Variants in THRB observed in about 807,000 individuals in gnomAD.
The protein encoded by THRB is nuclear receptor subfamily 1 group A member 2.
A neutral mutation model predicts 47.8 loss-of-function variants in THRB; 12 were observed. That is an observed-to-expected ratio of 0.25 (90% CI 0.16 to 0.41). THRB has a LOEUF of 0.41. Ranked by LOEUF, THRB falls within the 10% of genes least tolerant of loss-of-function variation. THRB has a pLI of 1.00. For synonymous variants in THRB, 218 were observed against 212.2 expected, an observed-to-expected ratio of 1.03 and a Z score of -0.24; for missense variants, 348 against 589.2, an observed-to-expected ratio of 0.59 and a Z score of 4.24.
Position 24,159,743 on chromosome 3 carries a change from G to C in THRB, c.284-7253C>G, listed in dbSNP as rs1199448732. ...CCACAACTGCTGTGTGTGTGTGTGTGTGTGTGTGTGTGTGTGTGTGTGTGT... is the reference window on the plus strand; with the variant it reads ...CCACAACTGCTGTGTGTGTGTGTGTCTGTGTGTGTGTGTGTGTGTGTGTGT... On this transcript the variant is annotated intron_variant, in intron 5 of 10. Transcript: ENST00000646209. Among the ~76,000 whole-genome samples the C allele has an allele frequency of 3.4e-5, 5 of 147,998 alleles. No homozygotes were observed. In the South Asian group the frequency reaches 8.5e-4, roughly 25 times the overall value.
chr3:24,434,930 G>T (rs1468391981), intron 1 of THRB, among the ~76,000 whole-genome samples: 3 of 152,146 alleles, frequency 2.0e-5, no homozygotes, highest in African/African-American at 7.2e-5. Flanking sequence ...GTAGCATTCA[G>T]CAATTAAAGA....
Position 24,185,308 on chromosome 3 carries a change from T to C in THRB, c.283+4766A>G, listed in dbSNP as rs565118089. Reference sequence around the variant, plus strand: ...AAGCTGGTTAAAATGGTATGCCTAGTATGATCCCAGGTTTATAAAAAATAC... The same window carrying C: ...AAGCTGGTTAAAATGGTATGCCTAGCATGATCCCAGGTTTATAAAAAATAC... On this transcript the variant is annotated intron_variant, in intron 5 of 10. Coordinates refer to ENST00000646209, the MANE Select transcript of THRB (RefSeq NM_001354712.2). 2.0e-5 allele frequency among the ~76,000 whole-genome samples: 3 copies of C among 152,334 alleles called. No individual in the cohort carries two copies. The South Asian group carries it at 6.2e-4, about 32-fold the overall frequency.
intron 5 of THRB, among the ~76,000 whole-genome samples, chr3:24,160,327 C>T (rs2038604759): frequency 6.6e-6 from 1 of 152,130 alleles, no homozygotes; most frequent in South Asian, 2.1e-4. Flanking sequence ...GAAAAGGGCC[C>T]CAAACCTTGA....
chr3:24,132,487 C>G (rs1330308372), intron 9 of THRB, among the ~76,000 whole-genome samples: 2 of 152,192 alleles, frequency 1.3e-5, no homozygotes, highest in East Asian at 3.8e-4. Context: ...CTTAAAAAAC[C>G]TTTCAACAGC....
intron 5 of THRB, among the ~76,000 whole-genome samples, chr3:24,159,577 T>C (rs2038442574): frequency 6.6e-6 from 1 of 152,226 alleles, no homozygotes; most frequent in Admixed American, 6.5e-5. Flanking sequence ...TTTAACATTA[T>C]AAGAAATCCT....
intron 8 of THRB, among the ~76,000 whole-genome samples, chr3:24,137,005 G>T (rs1002338060): frequency 6.6e-6 from 1 of 152,136 alleles, no homozygotes; most frequent in African/African-American, 2.4e-5. Context: ...TCTTCTCCTA[G>T]ATGTTTTCCC....
At chr3:24,247,715 C>T (rs1365261391) in intron 3 of THRB, among the ~76,000 whole-genome samples, 1 of 152,148 alleles carries the variant, frequency 6.6e-6, no homozygotes, top group Admixed American at 6.6e-5. Context: ...AATACTGGTA[C>T]ATGGGGAAGT....
At position 24,444,870 on chromosome 3, in the gene THRB, C is replaced by A. The variant is rs143015685; in HGVS notation, c.-261+49782G>T. 5.3e-3 allele frequency among the ~76,000 whole-genome samples: 814 copies of A among 152,296 alleles called. 8 individuals carry two copies. Among genetic ancestry groups the A allele is most frequent in the African/African-American group, 0.019 (784 of 41,542 alleles). On this transcript the variant is annotated intron_variant, in intron 1 of 10. Transcript: ENST00000646209. ...AAGTGCTGGGATTACAGGCATGAGGCACCGTGCCCGGTCCAAGATTTTTTA... is the reference window on the plus strand; with the variant it reads ...AAGTGCTGGGATTACAGGCATGAGGAACCGTGCCCGGTCCAAGATTTTTTA...
intron 1 of THRB, among the ~76,000 whole-genome samples, chr3:24,474,689 T>C (rs1279651888): frequency 2.0e-5 from 3 of 152,166 alleles, no homozygotes; most frequent in Admixed American, 2.0e-4. Context: ...ATAGTTCATT[T>C]AAAAACAAAT....
chr3:24,354,665 G>C (rs2063558767), intron 1 of THRB, among the ~76,000 whole-genome samples: 2 of 152,140 alleles, frequency 1.3e-5, no homozygotes, highest in African/African-American at 4.8e-5. Context: ...TTTCGGCTCT[G>C]TCTGGATTTC....
rs1553760716 is a variant in THRB, at chr3:24,438,506, G to GGTAGGTGTGT, written c.-261+56145_-261+56146insACACACCTAC. 1.9e-3 allele frequency among the ~76,000 whole-genome samples: 284 copies of GGTAGGTGTGT among 145,970 alleles called. 8 individuals carry two copies. In the East Asian group the frequency reaches 0.047, roughly 24 times the overall value. On this transcript the variant is annotated intron_variant, in intron 1 of 10. Coordinates refer to ENST00000646209, the MANE Select transcript of THRB (RefSeq NM_001354712.2). ...ATGCCATTGTCAGAGAGAACAAAAA[G>GGTAGGTGTGT]GTGTGTGTGTGTGTGTGTGTGTGTG...
intron 5 of THRB, among the ~76,000 whole-genome samples, chr3:24,180,627 G>A (rs1181040738): frequency 6.6e-6 from 1 of 152,134 alleles, no homozygotes; most frequent in African/African-American, 2.4e-5. Context: ...TGAATTTCTG[G>A]GACCCGGGCA....
At chr3:24,286,761 C>T (rs1045351396) in intron 3 of THRB, among the ~76,000 whole-genome samples, 1 of 152,136 alleles carries the variant, frequency 6.6e-6, no homozygotes, top group African/African-American at 2.4e-5. Flanking sequence ...GCAACATCTC[C>T]TTCTATGAAA....
At chr3:24,198,029 T>TCAC in intron 4 of THRB, among the ~76,000 whole-genome samples, 1 of 152,286 alleles carries the variant, frequency 6.6e-6, no homozygotes, top group Non-Finnish European at 1.5e-5. Context: ...GGTGAGCTGG[T>TCAC]CACCAGAGGG....
chr3:24,251,435 T>A (rs2044755), intron 3 of THRB, among the ~76,000 whole-genome samples: 29,185 of 151,548 alleles, frequency 0.19, 3,581 homozygotes, highest in African/African-American at 0.35. Flanking sequence ...AACAAATAGA[T>A]GAACTAGCAG....
chr3:24,444,901 G>A (rs2071914910), intron 1 of THRB, among the ~76,000 whole-genome samples: 1 of 152,068 alleles, frequency 6.6e-6, no homozygotes, highest in African/African-American at 2.4e-5. Flanking sequence ...TTTTAAATTT[G>A]AAAATTAATT....
At chr3:24,379,677 T>C (rs1450455312) in intron 1 of THRB, among the ~76,000 whole-genome samples, 1 of 152,078 alleles carries the variant, frequency 6.6e-6, no homozygotes. Context: ...GAGCTGAGCA[T>C]AGTCAATGAA....
In THRB at chr3:24,278,884, G is replaced by A. The variant is rs79433233; in HGVS notation, c.-43+18342C>T. The stretch of plus-strand genomic sequence containing the variant: ...TTTTAGATACAGGGTCTCACTCTGG[G>A]TCCAGGCTGGAGTGCAGTGGTGCTA... On this transcript the variant is annotated intron_variant, in intron 3 of 10. Transcript: ENST00000646209. Among the ~76,000 whole-genome samples, 985 of 152,136 alleles carry A rather than the reference G, an allele frequency of 6.5e-3. 11 individuals are homozygous for A. Among genetic ancestry groups the A allele is most frequent in the African/African-American group, 0.022 (915 of 41,496 alleles).
chr3:24,476,795 GAA>G (rs1348295508), intron 1 of THRB, among the ~76,000 whole-genome samples: 1 of 152,124 alleles, frequency 6.6e-6, no homozygotes, highest in African/African-American at 2.4e-5. Flanking sequence ...CTAAAATTAA[GAA>G]AAAAATTAAA....
Sources: gnomAD v4.1 joint callset for allele counts (sites outside exome capture counted in the v4.1 genomes callset) on GRCh38, gnomAD v4.1.1 for gene constraint, MANE v1.5 for transcripts, NCBI Gene and HGNC (gene_info 2026-07-23, HGNC 2026-07-21) for gene names.